Variants in PLXNA4 observed in about 807,000 individuals in gnomAD.
The protein encoded by PLXNA4 is plexin-A4.
In PLXNA4, 44 loss-of-function variants were observed where a neutral mutation model predicts 191.8. The ratio of observed to expected loss-of-function variants is 0.23; its 90% CI spans 0.18 to 0.29. The LOEUF (loss-of-function observed/expected upper bound fraction) is 0.29, where lower values mean the gene tolerates loss of function less well. Among genes scored for constraint, PLXNA4 ranks in the 10% least tolerant of loss-of-function variants. PLXNA4 has a pLI of 1.00. For missense variants in PLXNA4, 1,800 were observed against 2,488.8 expected, an observed-to-expected ratio of 0.72 and a Z score of 5.89; for synonymous variants, 1,082 against 1,009.5, an observed-to-expected ratio of 1.07 and a Z score of -1.36.
intron 3 of PLXNA4, among the ~76,000 whole-genome samples, chr7:132,375,253 A>T (rs1400486841): frequency 2.6e-5 from 4 of 151,470 alleles, no homozygotes; most frequent in Non-Finnish European, 5.9e-5. Flanking sequence ...CTTCCATGTC[A>T]TCTTGGTCCT....
chr7:132,308,930 A>G (rs929452594), intron 3 of PLXNA4, among the ~76,000 whole-genome samples: 3 of 151,908 alleles, frequency 2.0e-5, no homozygotes, highest in Middle Eastern at 3.2e-3. Context: ...AAGAGGCTAG[A>G]AGATGTGGCC....
At chr7:132,364,251 A>G (rs1227314359) in intron 3 of PLXNA4, among the ~76,000 whole-genome samples, 1 of 152,244 alleles carries the variant, frequency 6.6e-6, no homozygotes, top group Non-Finnish European at 1.5e-5. Flanking sequence ...ACTGGTGTCT[A>G]GACTTTGTCA....
At chr7:132,500,795 G>A (rs975904028) in intron 2 of PLXNA4, among the ~76,000 whole-genome samples, 6 of 152,036 alleles carry the variant, frequency 3.9e-5, no homozygotes, top group African/African-American at 7.3e-5. Context: ...AGGAGCTTCC[G>A]GACTCTTTAT....
chr7:132,133,138 C>A lies in PLXNA4; in HGVS notation c.5500G>T (p.Ala1834Ser). ...ISDQDMNAYL[A>S]EQSRMHMNEF... ...TTCATGTGCATCCGGGACTGCTCAG[C>A]CAGGTATGCGTTCATGTCTTGGTCG... The change falls in exon 31 of 32, where the codon GCT (alanine) becomes TCT (serine). Residue 1834 changes from alanine (A) to serine (S), a missense_variant. This residue lies in a region of PLXNA4 where 83 missense variants were observed against 81.6 expected (regional missense o/e 1.02). Transcript: ENST00000321063. The A allele has an allele frequency of 6.2e-7, 1 of 1,614,164 alleles. No homozygotes were observed. Among genetic ancestry groups the A allele is most frequent in the Non-Finnish European group, 8.5e-7 (1 of 1,180,030 alleles).
At chr7:132,505,208 A>G (rs1213773597) in intron 2 of PLXNA4, among the ~76,000 whole-genome samples, 1 of 152,248 alleles carries the variant, frequency 6.6e-6, no homozygotes, top group Non-Finnish European at 1.5e-5. Context: ...TCCCGGCATT[A>G]GCCTGTCTTG....
chr7:132,445,561 G>C (rs1002705414), intron 3 of PLXNA4, among the ~76,000 whole-genome samples: 2 of 151,910 alleles, frequency 1.3e-5, no homozygotes, highest in Non-Finnish European at 2.9e-5. Context: ...AGCAAATCAT[G>C]GTCACAGCTA....
intron 13 of PLXNA4, among the ~76,000 whole-genome samples, chr7:132,194,426 T>C (rs1354405758): frequency 6.6e-6 from 1 of 152,208 alleles, no homozygotes; most frequent in Non-Finnish European, 1.5e-5. Flanking sequence ...GTTCTGACCC[T>C]AGATGTTCAG....
rs1001817618 is a variant in PLXNA4, at chr7:132,228,277, G to A, written c.1728+69C>T. 3.7e-6 allele frequency: 6 copies of A among 1,601,136 alleles called. No homozygotes were observed. In the African/African-American group the frequency reaches 8.0e-5, roughly 21 times the overall value. On this transcript the variant is annotated intron_variant, in intron 6 of 31. Coordinates refer to ENST00000321063, the MANE Select transcript of PLXNA4 (RefSeq NM_020911.2). Reference sequence around the variant, plus strand: ...GTCCTCCAGAGGGGCCTTGGGCTAAGGCACTTTTTAGTGAGGGGAGAGTTT... The same window carrying A: ...GTCCTCCAGAGGGGCCTTGGGCTAAAGCACTTTTTAGTGAGGGGAGAGTTT...
In PLXNA4 at chr7:132,405,072, A is replaced by ATGTGTG. The variant is rs55647746; in HGVS notation, c.1371+84214_1371+84219dup. ...CAGCTGAGGGTATGTGTGTGTGTGT[A>ATGTGTG]TGTGTGTGTGTGTGTGTGTGCATGT... On this transcript the variant is annotated intron_variant, in intron 3 of 31. Coordinates refer to ENST00000321063, the MANE Select transcript of PLXNA4 (RefSeq NM_020911.2). Among the ~76,000 whole-genome samples, 787 of 149,210 alleles carry ATGTGTG rather than the reference A, an allele frequency of 5.3e-3. 6 individuals are homozygous for ATGTGTG. The highest frequency in any genetic ancestry group is 0.021 in the Middle Eastern group (6 of 288).
chr7:132,185,529 G>T, intron 15 of PLXNA4, 66 bp from the exon 16 acceptor site: 3 of 1,545,964 alleles, frequency 1.9e-6, no homozygotes, highest in East Asian at 2.3e-5. Context: ...CTGAGTCAAG[G>T]CCCTCCCACA....
intron 3 of PLXNA4, among the ~76,000 whole-genome samples, chr7:132,465,968 C>T (rs907695867): frequency 6.6e-6 from 1 of 152,140 alleles, no homozygotes; most frequent in African/African-American, 2.4e-5. Flanking sequence ...TTCAAAAGCA[C>T]ATGGGCAACA....
intron 15 of PLXNA4, 41 bp downstream of exon 15, chr7:132,187,430 T>C (rs1378141826): frequency 1.3e-6 from 2 of 1,595,274 alleles, no homozygotes; most frequent in Non-Finnish European, 1.7e-6. Context: ...CTGTCTAACC[T>C]TTCCCTCTCT....
At chr7:132,134,593 G>A (rs1795059781) in intron 30 of PLXNA4, among the ~76,000 whole-genome samples, 1 of 152,198 alleles carries the variant, frequency 6.6e-6, no homozygotes, top group Non-Finnish European at 1.5e-5. Context: ...AAGGGAAGGG[G>A]CTGGTCAGAG....
chr7:132,330,008 G>A (rs1189880894), intron 3 of PLXNA4, among the ~76,000 whole-genome samples: 2 of 152,228 alleles, frequency 1.3e-5, no homozygotes, highest in Non-Finnish European at 2.9e-5. Context: ...TCTCCGTTGT[G>A]TGTTGAGAGC....
chr7:132,313,139 T>C (rs895119155), intron 3 of PLXNA4, among the ~76,000 whole-genome samples: 10 of 152,180 alleles, frequency 6.6e-5, no homozygotes, highest in Non-Finnish European at 1.2e-4. Context: ...TCACTATACC[T>C]ATGTCCCCAT....
intron 31 of PLXNA4, among the ~76,000 whole-genome samples, chr7:132,131,684 T>A (rs540688943): frequency 2.2e-4 from 33 of 152,370 alleles, no homozygotes; most frequent in African/African-American, 7.7e-4. Flanking sequence ...ACAGGTGTAC[T>A]TGTAGACTAA....
At chr7:132,574,083 T>C (rs771583120) in intron 1 of PLXNA4, among the ~76,000 whole-genome samples, 1 of 152,204 alleles carries the variant, frequency 6.6e-6, no homozygotes, top group Non-Finnish European at 1.5e-5. Flanking sequence ...ACCAAATTGG[T>C]ACCTAATGCT....
At chr7:132,415,303 G>A (rs1041449907) in intron 3 of PLXNA4, among the ~76,000 whole-genome samples, 4 of 152,208 alleles carry the variant, frequency 2.6e-5, no homozygotes, top group African/African-American at 9.6e-5. Context: ...GATGTCTGAA[G>A]AAATGAGATT....
intron 1 of PLXNA4, among the ~76,000 whole-genome samples, chr7:132,509,317 G>A (rs542652694): frequency 7.2e-5 from 11 of 152,274 alleles, no homozygotes; most frequent in South Asian, 4.1e-4. Flanking sequence ...CCATCTGGCC[G>A]TAGAGGTGGT....
Sources: gnomAD v4.1 joint callset for allele counts (sites outside exome capture counted in the v4.1 genomes callset) on GRCh38, gnomAD v4.1.1 for gene constraint, gnomAD v4.1.1 regional missense constraint, MANE v1.5 for transcripts, NCBI Gene and HGNC (gene_info 2026-07-23, HGNC 2026-07-21) for gene names.